SEMA3D: variants seen among roughly 807,000 people sequenced by gnomAD.
SEMA3D encodes semaphorin 3D.
Under a neutral mutation model 100.1 loss-of-function variants are expected in SEMA3D, and 84 were observed. That is an observed-to-expected ratio of 0.84 (90% CI 0.70 to 1.01). The LOEUF is 1.01. Ranked by LOEUF, SEMA3D falls within the 50% of genes least tolerant of loss-of-function variation. The pLI is 0.00. For synonymous variants in SEMA3D, 312 were observed against 320.7 expected (o/e 0.97, Z 0.29); for missense variants, 875 against 934.1 (o/e 0.94, Z 0.82).
chr7:85,019,368 T>C (rs1318001811), intron 14 of SEMA3D, among the ~76,000 whole-genome samples: 2 of 151,720 alleles, frequency 1.3e-5, no homozygotes, highest in Non-Finnish European at 2.9e-5. Flanking sequence ...AGATTTTGTT[T>C]TGGTAGACAC....
chr7:85,083,399 T>C (rs1788117104), intron 4 of SEMA3D, among the ~76,000 whole-genome samples: 1 of 152,180 alleles, frequency 6.6e-6, no homozygotes, highest in South Asian at 2.1e-4. Flanking sequence ...AAACCCAGAA[T>C]CGTGAAGCCA....
At chr7:85,063,666 G>A (rs1322245093) in intron 8 of SEMA3D, among the ~76,000 whole-genome samples, 1 of 152,006 alleles carries the variant, frequency 6.6e-6, no homozygotes, top group Non-Finnish European at 1.5e-5. Flanking sequence ...TCATGCAGTG[G>A]CCTCTTGTCT....
At chr7:85,225,093 T>C in the SEMA3D span, among the ~76,000 whole-genome samples, 30 of 15,406 alleles carry the variant, frequency 1.9e-3, no homozygotes, top group Admixed American at 4.2e-3. Context: ...TATATATATA[T>C]ATATATATAT....
At chr7:85,105,037 C>A (rs1417669133) in intron 3 of SEMA3D, among the ~76,000 whole-genome samples, 1 of 152,052 alleles carries the variant, frequency 6.6e-6, no homozygotes, top group Non-Finnish European at 1.5e-5. Flanking sequence ...GCCCACTTTT[C>A]TTTTTCCTTC....
intron 18 of SEMA3D, among the ~76,000 whole-genome samples, chr7:85,004,189 G>A (rs541254318): frequency 6.6e-6 from 1 of 151,710 alleles, no homozygotes; most frequent in African/African-American, 2.4e-5. Context: ...ACAGTGCAAT[G>A]GTGAGTGAAA....
At chr7:85,141,956 A>G in intron 2 of SEMA3D, 1 of 983,016 alleles carries the variant, frequency 1.0e-6, no homozygotes, top group Non-Finnish European at 1.2e-6. Flanking sequence ...AAAAAAGAGA[A>G]TAGGAAAAAG....
At chr7:85,021,535 C>A (rs1457409811) in intron 13 of SEMA3D, among the ~76,000 whole-genome samples, 1 of 151,708 alleles carries the variant, frequency 6.6e-6, no homozygotes, top group Admixed American at 6.6e-5. Context: ...ACACATACTT[C>A]CTAATAAACC....
chr7:85,229,641 A>G, the SEMA3D span, among the ~76,000 whole-genome samples: 4 of 152,086 alleles, frequency 2.6e-5, no homozygotes, highest in East Asian at 1.9e-4. Flanking sequence ...TTTCAGTCTC[A>G]TTTTATCTTA....
intron 8 of SEMA3D, among the ~76,000 whole-genome samples, chr7:85,060,203 ATGTT>A: frequency 6.6e-6 from 1 of 152,338 alleles, no homozygotes. Flanking sequence ...TTAAAGCTAA[ATGTT>A]TGTTGTATAA....
In SEMA3D at chr7:85,012,936, T is replaced by C. The variant is rs878924801; in HGVS notation, c.1704-90A>G. 3.3e-6 allele frequency: 3 copies of C among 903,256 alleles called. No homozygotes were observed. In the South Asian group the frequency reaches 4.1e-5, roughly 12 times the overall value. The allele number at this position is 903,256 out of a possible 1,614,324, so 56.0% of individuals were successfully genotyped here. ...ATCTAATACTAATAACAGTGGCAGATGCAGTACTATGCTTGTCTTACAGTT... is the reference window on the plus strand; with the variant it reads ...ATCTAATACTAATAACAGTGGCAGACGCAGTACTATGCTTGTCTTACAGTT... On this transcript the variant is annotated intron_variant, in intron 16 of 18. Coordinates refer to ENST00000284136, the MANE Select transcript of SEMA3D (RefSeq NM_001384900.1).
chr7:85,180,168 T>C (rs1046987477), intron 1 of SEMA3D, among the ~76,000 whole-genome samples: 5 of 152,218 alleles, frequency 3.3e-5, no homozygotes, highest in Non-Finnish European at 7.3e-5. Flanking sequence ...AGGGACCTCA[T>C]GTGAGGTGAC....
At position 85,069,104 on chromosome 7, in the gene SEMA3D, T is replaced by G. The variant is rs560458627; in HGVS notation, c.496-820A>C. Among the ~76,000 whole-genome samples, 24 of 152,318 alleles carry G rather than the reference T, an allele frequency of 1.6e-4. No homozygotes were observed. In the East Asian group the frequency reaches 3.7e-3, roughly 23 times the overall value. On this transcript the variant is annotated intron_variant, in intron 6 of 18. Transcript: ENST00000284136. ...AGAAAGGATGATGACTCACTCTGTG[T>G]ATGCACTAGTTAGAGAAATCCTGCA...
intron 9 of SEMA3D, among the ~76,000 whole-genome samples, chr7:85,048,065 T>C (rs1328104064): frequency 6.6e-6 from 1 of 151,834 alleles, no homozygotes; most frequent in Non-Finnish European, 1.5e-5. Flanking sequence ...GAAAAACCTA[T>C]TCCATTACCC....
At chr7:85,083,002 C>T (rs1166664916) in intron 4 of SEMA3D, among the ~76,000 whole-genome samples, 1 of 152,124 alleles carries the variant, frequency 6.6e-6, no homozygotes, top group African/African-American at 2.4e-5. Flanking sequence ...AAATAGTAGC[C>T]AGCAGTCAAA....
the SEMA3D span, among the ~76,000 whole-genome samples, chr7:85,219,084 T>G: frequency 6.6e-6 from 1 of 152,154 alleles, no homozygotes; most frequent in Non-Finnish European, 1.5e-5. Flanking sequence ...CATGTTCTCC[T>G]CTTGGATGGC....
At chr7:85,231,615 T>C in the SEMA3D span, among the ~76,000 whole-genome samples, 4 of 152,116 alleles carry the variant, frequency 2.6e-5, no homozygotes, top group African/African-American at 9.6e-5. Context: ...CACACCCGGC[T>C]AATTTTTTGT....
chr7:85,076,038 C>T (rs570946206), intron 5 of SEMA3D, among the ~76,000 whole-genome samples: 8 of 152,214 alleles, frequency 5.3e-5, no homozygotes, highest in South Asian at 4.2e-4. Flanking sequence ...CTGTGAGGCA[C>T]GAAGAAAGAT....
At position 85,025,263 on chromosome 7, in the gene SEMA3D, A is replaced by G. The variant is rs73179832; in HGVS notation, c.1192-2650T>C. On this transcript the variant is annotated intron_variant, in intron 12 of 18. Transcript: ENST00000284136. Reference sequence around the variant, plus strand: ...TCTACCCGCTGTTGTAAAATACTCAAAGACAGTATTCTTCTCTTGTGCTGG... The same window carrying G: ...TCTACCCGCTGTTGTAAAATACTCAGAGACAGTATTCTTCTCTTGTGCTGG... Among the ~76,000 whole-genome samples the G allele has an allele frequency of 7.5e-3, 1,144 of 152,078 alleles. 7 individuals carry two copies. Among genetic ancestry groups the G allele is most frequent in the Non-Finnish European group, 0.013 (900 of 67,934 alleles).
intron 3 of SEMA3D, among the ~76,000 whole-genome samples, chr7:85,114,454 G>A (rs552068164): frequency 6.6e-6 from 1 of 152,274 alleles, no homozygotes; most frequent in African/African-American, 2.4e-5. Context: ...GCTGTGAGCA[G>A]CAAAGGATTA....
Sources: gnomAD v4.1 joint callset for allele counts (sites outside exome capture counted in the v4.1 genomes callset) on GRCh38, gnomAD v4.1.1 for gene constraint, MANE v1.5 for transcripts, NCBI Gene and HGNC (gene_info 2026-07-23, HGNC 2026-07-21) for gene names.